The following LIFR variants were observed in gnomAD, a reference collection of about 807,000 sequenced individuals.
The protein encoded by LIFR is leukemia inhibitory factor receptor.
LIFR carries 84 observed loss-of-function variants against 122.2 expected under a neutral mutation model. That is an observed-to-expected ratio of 0.69 (90% confidence interval 0.58 to 0.82). LIFR has a LOEUF of 0.82. LIFR is among the 40% of genes least tolerant of loss of function. The pLI is 0.00. For synonymous variants in LIFR, 422 were observed against 434.7 expected (o/e 0.97, Z 0.36); for missense variants, 1,294 against 1,311.6 (o/e 0.99, Z 0.21).
At chr5:38,521,119 T>C (rs770892815) in intron 5 of LIFR, among the ~76,000 whole-genome samples, 7 of 152,182 alleles carry the variant, frequency 4.6e-5, no homozygotes, top group Non-Finnish European at 8.8e-5. Flanking sequence ...ATCAGTTTTG[T>C]AGTTTTCCTT....
At chr5:38,513,108 T>G (rs1162532965) in intron 5 of LIFR, among the ~76,000 whole-genome samples, 1 of 152,180 alleles carries the variant, frequency 6.6e-6, no homozygotes, top group Non-Finnish European at 1.5e-5. Context: ...TCCTTCTCCC[T>G]TACCTCCTGA....
chr5:38,507,563 C>CA (rs35427960), intron 7 of LIFR, among the ~76,000 whole-genome samples: 97,768 of 110,888 alleles, frequency 0.88, 43,457 homozygotes, highest in Middle Eastern at 0.95. Context: ...TACTCCGTCT[C>CA]AAAAAAAAAA....
Position 38,489,228 on chromosome 5 carries a change from T to G in LIFR, c.2185A>C (p.Asn729His), listed in dbSNP as rs771179732. ...GCAGAAGTATCCTCAACAGTAAAAT[T>G]TGGTGCAACAATGGGAGCTGTAAAA... ...IEELAPIVAP[N>H]FTVEDTSADS... is the part of the protein sequence containing the mutation. The change falls in exon 16 of 20, where the codon AAT becomes CAT. Residue 729 changes from asparagine (N) to histidine (H), a missense_variant. Transcript: ENST00000453190. The G allele has an allele frequency of 3.1e-6, 5 of 1,612,974 alleles. No individual in the cohort carries two copies. The South Asian group carries it at 4.4e-5, about 14-fold the overall frequency.
Position 38,523,391 on chromosome 5 carries a change from T to C in LIFR, c.561+28A>G, listed in dbSNP as rs776345839. The C allele has an allele frequency of 1.1e-5, 17 of 1,583,972 alleles. No individual in the cohort carries two copies. The South Asian group carries it at 1.1e-4, about 11-fold the overall frequency. On this transcript the variant is annotated intron_variant, in intron 5 of 19. Coordinates refer to ENST00000453190, the MANE Select transcript of LIFR (RefSeq NM_001127671.2). ...AAATTATTCAGTTTCTTTAATGTCA[T>C]AGGAAGAAAATCTATGTTCAAACTT...
intron 2 of LIFR, among the ~76,000 whole-genome samples, chr5:38,604,412 C>A (rs3110964): frequency 6.6e-5 from 10 of 151,924 alleles, no homozygotes; most frequent in African/African-American, 2.2e-4. Context: ...ATTTAGAAAG[C>A]TTATTTTGCC....
chr5:38,562,198 C>T (rs1748864430), intron 1 of LIFR, among the ~76,000 whole-genome samples: 2 of 152,190 alleles, frequency 1.3e-5, no homozygotes, highest in Admixed American at 6.5e-5. Context: ...TTGGAATCTT[C>T]GTTTCAGATT....
In LIFR at chr5:38,511,824, C is replaced by T; in HGVS notation, c.702G>A (p.Glu234=). Residue 234 remains glutamate, a synonymous_variant, in exon 6 of 20, where the codon GAG becomes GAA. Transcript: ENST00000453190. ...TCTTCACAGGGCTCCAGTCACTCCA[C>T]TCTTCGAGACCAGAAAAATGAAGAT... ...IDNLHFSGLE[E]WSDWSPVKNI... 1.9e-6 allele frequency: 3 copies of T among 1,614,092 alleles called. No individual in the cohort carries two copies. The highest frequency in any genetic ancestry group is 2.5e-6 in the Non-Finnish European group (3 of 1,179,976).
chr5:38,597,181 T>A (rs1213603588), upstream of LIFR, among the ~76,000 whole-genome samples: 1 of 152,126 alleles, frequency 6.6e-6, no homozygotes, highest in Non-Finnish European at 1.5e-5. Flanking sequence ...CAGGCCACAG[T>A]CCCCAGGAAC....
chr5:38,564,713 C>T lies in LIFR; in HGVS notation c.-20+30548G>A, dbSNP rs887177082. 1.6e-4 allele frequency among the ~76,000 whole-genome samples: 20 copies of T among 127,420 alleles called. 1 individual carries two copies. The highest frequency in any genetic ancestry group is 4.9e-4 in the African/African-American group (18 of 36,722). The allele number at this position is 127,420 out of a possible 152,430, so 83.6% of individuals were successfully genotyped here. On this transcript the variant is annotated intron_variant, in intron 1 of 19. Coordinates refer to the LIFR transcript ENST00000263409. ...ATATGCATATGTATATATATACACA[C>T]AATATATATATACACACACACTACA...
chr5:38,484,828 C>T lies in LIFR; in HGVS notation c.2538G>A (p.Val846=), dbSNP rs1362114085. ...LIIAILIPVA[V]AVIVGVVTSI... is the part of the protein sequence containing the mutation. ...TTGTCACCACTCCAACAATGACAGC[C>T]ACTGCCACTGGGATGAGAATGGCAA... The change falls in exon 18 of 20, where the codon GTG becomes GTA. Residue 846 remains valine (V), a synonymous_variant. Transcript: ENST00000453190. The T allele has an allele frequency of 9.9e-6, 16 of 1,613,808 alleles. No individual in the cohort carries two copies. The highest frequency in any genetic ancestry group is 1.4e-5 in the Non-Finnish European group (16 of 1,179,764).
intron 11 of LIFR, 127 bp from the exon 12 acceptor site, chr5:38,499,710 G>C: frequency 1.4e-6 from 1 of 723,616 alleles, no homozygotes; most frequent in Non-Finnish European, 2.5e-6. Flanking sequence ...CTTCCACTTA[G>C]AAAATGAAGC....
intron 11 of LIFR, among the ~76,000 whole-genome samples, chr5:38,502,319 G>A (rs932377224): frequency 1.3e-5 from 2 of 151,726 alleles, no homozygotes; most frequent in South Asian, 2.1e-4. Flanking sequence ...GTGCAATGGC[G>A]CAATCTTGGC....
rs372674010 is a variant in LIFR at position 38,541,527 on chromosome 5, G to A, written c.-19-10861C>T. Among the ~76,000 whole-genome samples, 15 of 152,298 alleles carry A rather than the reference G, an allele frequency of 9.8e-5. No homozygotes were observed. The East Asian group carries it at 2.7e-3, about 27-fold the overall frequency. ...AGCAAGGTAAAGAAATTCAAGCTGT[G>A]TAAACAGAGTGAAGAGGCTGCTTTT... On this transcript the variant is annotated intron_variant, in intron 1 of 19. Transcript: ENST00000453190.
chr5:38,569,550 T>G (rs990399198), intron 1 of LIFR, among the ~76,000 whole-genome samples: 1 of 152,194 alleles, frequency 6.6e-6, no homozygotes, highest in Non-Finnish European at 1.5e-5. Flanking sequence ...TATGAGAATC[T>G]AATGCCCGAT....
chr5:38,538,240 T>C (rs1036608787), intron 1 of LIFR, among the ~76,000 whole-genome samples: 63 of 152,226 alleles, frequency 4.1e-4, no homozygotes, highest in African/African-American at 1.5e-3. Context: ...TGGGACTCCT[T>C]AGCCTACTGC....
At chr5:38,595,806 C>T (rs1327582906), upstream of LIFR, among the ~76,000 whole-genome samples, 2 of 146,682 alleles carry the variant, frequency 1.4e-5, no homozygotes, top group Non-Finnish European at 3.0e-5. Context: ...GATCTCGGCT[C>T]ACTGCAAGCT....
At chr5:38,528,650 A>G in intron 3 of LIFR, 76 bp downstream of exon 3, 1 of 881,634 alleles carries the variant, frequency 1.1e-6, no homozygotes. Context: ...TAGTTTCACA[A>G]GCAATAAGGT....
At position 38,476,502 on chromosome 5, in the gene LIFR, C is replaced by T. The variant is rs1476318857; in HGVS notation, c.*5093G>A. ...AAGTATTTTAGTCTTAAGGGCAACA[C>T]ATAGGATCTATGTTGTTAGCTTTTT... On this transcript the variant is annotated 3_prime_UTR_variant, in exon 20 of 20. Transcript: ENST00000453190. 1 of 206,532 alleles carries T rather than the reference C, an allele frequency of 4.8e-6. No individual in the cohort carries two copies. The highest frequency in any genetic ancestry group is 2.3e-5 in the African/African-American group (1 of 43,636). 12.8% of individuals were successfully genotyped at this position (206,532 alleles called of 1,614,324 possible). A position where few individuals can be genotyped will look rare whatever the true frequency, so the allele number is the denominator to read the frequency against.
At chr5:38,571,074 G>T (rs1004964804) in intron 1 of LIFR, among the ~76,000 whole-genome samples, 2 of 152,174 alleles carry the variant, frequency 1.3e-5, no homozygotes, top group African/African-American at 4.8e-5. Context: ...GAATCTGTGT[G>T]TCTCCTGAGT....
Sources: gnomAD v4.1 joint callset for allele counts (sites outside exome capture counted in the v4.1 genomes callset) on GRCh38, gnomAD v4.1.1 for gene constraint, MANE v1.5 for transcripts, NCBI Gene and HGNC (gene_info 2026-07-23, HGNC 2026-07-21) for gene names.